SPNS3: variants seen among roughly 807,000 people sequenced by gnomAD.
SPNS3 encodes SPNS lysolipid transporter 3, sphingosine-1-phosphate (putative), also known as protein spinster homolog 3.
Under a neutral mutation model 54.4 loss-of-function variants are expected in SPNS3, and 51 were observed. The observed-to-expected ratio is 0.94, with a 90% CI of 0.75 to 1.18. The LOEUF is 1.18. Ranked by LOEUF, SPNS3 falls within the 50% of genes most tolerant of loss-of-function variation. SPNS3 has a pLI of 0.00. For missense variants in SPNS3, 669 were observed against 677.4 expected, an observed-to-expected ratio of 0.99 and a Z score of 0.14; for synonymous variants, 309 against 294.7, an observed-to-expected ratio of 1.05 and a Z score of -0.50.
intron 8 of SPNS3, among the ~76,000 whole-genome samples, chr17:4,469,210 T>C (rs985978280): frequency 6.6e-6 from 1 of 152,126 alleles, no homozygotes; most frequent in African/African-American, 2.4e-5. Context: ...CTCAGCCTTC[T>C]GAGTAGCTGG....
intron 9 of SPNS3, among the ~76,000 whole-genome samples, chr17:4,482,892 G>C (rs530890256): frequency 6.6e-6 from 1 of 152,192 alleles, no homozygotes; most frequent in Non-Finnish European, 1.5e-5. Flanking sequence ...CCAGGGGCAC[G>C]ATCTCTGGAT....
intron 2 of SPNS3, among the ~76,000 whole-genome samples, chr17:4,440,150 C>A (rs1375753058): frequency 6.6e-6 from 1 of 152,146 alleles, no homozygotes. Context: ...ACAGGCACAT[C>A]CCCCCACATG....
intron 9 of SPNS3, chr17:4,482,289 A>G (rs1329493834): frequency 6.6e-6 from 1 of 152,102 alleles, no homozygotes; most frequent in Non-Finnish European, 1.5e-5. Context: ...TGGAGACGTC[A>G]TTGTGCATGA....
chr17:4,476,459 A>T lies in SPNS3; in HGVS notation c.1114-2113A>T, dbSNP rs528134197. On this transcript the variant is annotated intron_variant, in intron 8 of 11. Coordinates refer to ENST00000355530, the MANE Select transcript of SPNS3 (RefSeq NM_182538.5). ...AGCAAAACGGGGAGCTGGTTGGGGGACAGCGTGCCTGGGCTGCACAGAGGT... is the reference window on the plus strand; with the variant it reads ...AGCAAAACGGGGAGCTGGTTGGGGGTCAGCGTGCCTGGGCTGCACAGAGGT... Among the ~76,000 whole-genome samples, 1,032 of 151,906 alleles carry T rather than the reference A, an allele frequency of 6.8e-3. 7 individuals are homozygous for T. The highest frequency in any genetic ancestry group is 8.7e-3 in the Non-Finnish European group (589 of 67,928).
Position 4,448,161 on chromosome 17 carries a change from C to A in SPNS3, c.628C>A (p.Pro210Thr). The A allele has an allele frequency of 6.3e-7, 1 of 1,592,280 alleles. No individual in the cohort carries two copies. The stretch of plus-strand genomic sequence containing the variant: ...TGGGCCCTCCTGTCCCCAGGTCATG[C>A]CCTGCCTGGAGGCCGTGGCCTTGAT... ...GNWRWALRVMPCLEAVALILL... is the reference protein window; with the variant it reads ...GNWRWALRVMTCLEAVALILL... The change falls in exon 6 of 12, where the codon CCC (proline) becomes ACC (threonine). Residue 210 changes from proline (P) to threonine (T), a missense_variant. Pro to Thr is a conservative substitution (Grantham distance 38, BLOSUM62 -1). Coordinates refer to ENST00000355530, the MANE Select transcript of SPNS3 (RefSeq NM_182538.5).
chr17:4,474,834 C>T (rs1285223531), intron 8 of SPNS3, among the ~76,000 whole-genome samples: 1 of 133,556 alleles, frequency 7.5e-6, no homozygotes, highest in Non-Finnish European at 1.6e-5. Context: ...TTATAGTCAT[C>T]ATCTTTCTGG....
chr17:4,467,155 CA>C (rs1971698018), intron 8 of SPNS3, among the ~76,000 whole-genome samples: 1 of 151,964 alleles, frequency 6.6e-6, no homozygotes. Flanking sequence ...AGTCAGAGGT[CA>C]CGGTGATGGG....
rs185651695 is a variant in SPNS3 at position 4,462,943 on chromosome 17, G to C, written c.1113+9738G>C. 2.1e-5 allele frequency among the ~76,000 whole-genome samples: 3 copies of C among 144,798 alleles called. No individual in the cohort carries two copies. The East Asian group carries it at 6.3e-4, about 30-fold the overall frequency. 95.0% of individuals were successfully genotyped at this position (144,798 alleles called of 152,430 possible). On this transcript the variant is annotated intron_variant, in intron 8 of 11. Transcript: ENST00000355530. ...CCAAAGTCCTTCCTGCATGATTTCT[G>C]CTGTTGAAGGAGTAAGTCCTGGGGA...
intron 4 of SPNS3, chr17:4,446,679 TG>T (rs1827856451): frequency 3.3e-6 from 2 of 603,698 alleles, no homozygotes; most frequent in East Asian, 2.8e-5. Context: ...AGAGTGGCGC[TG>T]GGGGTGGGCC....
Position 4,460,429 on chromosome 17 carries a change from ATT to A in SPNS3, c.1113+7243_1113+7244del, listed in dbSNP as rs34851131. On this transcript the variant is annotated intron_variant, in intron 8 of 11. Coordinates refer to ENST00000355530, the MANE Select transcript of SPNS3 (RefSeq NM_182538.5). ...GGTAATCATTTTTATGTATTGCTGG[ATT>A]TTTTTTTTTTTTTTTTTTGAGACAG... 3.8e-3 allele frequency among the ~76,000 whole-genome samples: 373 copies of A among 98,886 alleles called. 2 individuals carry two copies. The highest frequency in any genetic ancestry group is 0.017 in the Admixed American group (145 of 8,712). 64.9% of individuals were successfully genotyped at this position (98,886 alleles called of 152,430 possible). A position where few individuals can be genotyped will look rare whatever the true frequency, so the allele number is the denominator to read the frequency against.
At chr17:4,468,824 T>A (rs1971771108) in intron 8 of SPNS3, among the ~76,000 whole-genome samples, 1 of 150,680 alleles carries the variant, frequency 6.6e-6, no homozygotes, top group Non-Finnish European at 1.5e-5. Flanking sequence ...GTTTTGCTCT[T>A]GTCACCGAGG....
intron 4 of SPNS3, chr17:4,446,651 G>A: frequency 5.1e-6 from 3 of 588,850 alleles, no homozygotes; most frequent in Admixed American, 2.9e-5. Context: ...TGTAGGGTAT[G>A]TGTTTCCATA....
chr17:4,461,305 G>A (rs1291109969), intron 8 of SPNS3, among the ~76,000 whole-genome samples: 2 of 131,258 alleles, frequency 1.5e-5, no homozygotes, highest in African/African-American at 2.8e-5. Context: ...CCAACTTTTG[G>A]TTTCATCAAT....
chr17:4,478,007 T>C (rs1167027396), intron 8 of SPNS3, among the ~76,000 whole-genome samples: 3 of 131,274 alleles, frequency 2.3e-5, no homozygotes, highest in African/African-American at 9.2e-5. Flanking sequence ...AGTCTCACTC[T>C]GTCACCCAGG....
intron 7 of SPNS3, among the ~76,000 whole-genome samples, chr17:4,451,123 C>T (rs1221404647): frequency 6.6e-6 from 1 of 152,148 alleles, no homozygotes; most frequent in African/African-American, 2.4e-5. Context: ...CCAAGGTCAG[C>T]CCAGACCAGG....
At chr17:4,451,995 A>G (rs1567559826) in intron 7 of SPNS3, among the ~76,000 whole-genome samples, 1 of 152,004 alleles carries the variant, frequency 6.6e-6, no homozygotes, top group Non-Finnish European at 1.5e-5. Flanking sequence ...GAGCTCCTTT[A>G]AAAGGGGGCT....
intron 8 of SPNS3, among the ~76,000 whole-genome samples, chr17:4,460,429 A>ATTTTT (rs34851131): frequency 2.0e-5 from 2 of 98,920 alleles, no homozygotes; most frequent in African/African-American, 3.7e-5. Context: ...GTATTGCTGG[A>ATTTTT]TTTTTTTTTT....
chr17:4,440,614 C>T (rs1447782521), intron 2 of SPNS3, among the ~76,000 whole-genome samples: 1 of 152,142 alleles, frequency 6.6e-6, no homozygotes, highest in Non-Finnish European at 1.5e-5. Context: ...TCTCCTTCCT[C>T]TCCTTCCATT....
At chr17:4,440,645 T>C (rs765536521) in intron 2 of SPNS3, among the ~76,000 whole-genome samples, 1 of 152,132 alleles carries the variant, frequency 6.6e-6, no homozygotes, top group Non-Finnish European at 1.5e-5. Flanking sequence ...CTGTCTACCA[T>C]GGTAAACAGA....
Sources: allele counts gnomAD v4.1 joint callset (sites outside exome capture counted in the v4.1 genomes callset), GRCh38; gene constraint gnomAD v4.1.1; transcripts MANE v1.5; gene names NCBI Gene and HGNC (gene_info 2026-07-23, HGNC 2026-07-21).